The following SCAPER variants were observed in gnomAD, a reference collection of about 807,000 sequenced individuals.
SCAPER encodes the protein S phase cyclin A-associated protein in the endoplasmic reticulum.
In SCAPER, 98 loss-of-function variants were observed where a neutral mutation model predicts 182.2. That is an observed-to-expected ratio of 0.54 (90% CI 0.46 to 0.64). The LOEUF (loss-of-function observed/expected upper bound fraction) is 0.64. Ranked by LOEUF, SCAPER falls within the 30% of genes least tolerant of loss-of-function variation. The pLI is 0.00. For synonymous variants in SCAPER, 605 were observed against 564.6 expected (o/e 1.07, Z -1.01); for missense variants, 1,432 against 1,690.0 (o/e 0.85, Z 2.68).
At chr15:76,518,756 C>G (rs1462766657) in intron 23 of SCAPER, among the ~76,000 whole-genome samples, 1 of 152,216 alleles carries the variant, frequency 6.6e-6, no homozygotes, top group African/African-American at 2.4e-5. Flanking sequence ...AAGGTACCCA[C>G]ATTAATCTAT....
intron 15 of SCAPER, among the ~76,000 whole-genome samples, chr15:76,746,742 A>T (rs867613238): frequency 6.6e-6 from 1 of 152,258 alleles, no homozygotes; most frequent in Non-Finnish European, 1.5e-5. Context: ...AATAATCAAA[A>T]ATGAAATTAA....
chr15:76,545,322 C>G (rs552095644), intron 23 of SCAPER, among the ~76,000 whole-genome samples: 27 of 152,212 alleles, frequency 1.8e-4, no homozygotes, highest in Non-Finnish European at 3.7e-4. Context: ...ATCTCTGGCT[C>G]ATCCTGAACA....
chr15:76,719,488 G>A (rs532628490), intron 17 of SCAPER, among the ~76,000 whole-genome samples: 70 of 152,072 alleles, frequency 4.6e-4, no homozygotes, highest in Non-Finnish European at 9.1e-4. Context: ...CAACAGGAGG[G>A]CTATAGGTAA....
At chr15:76,679,641 T>G (rs2057573373) in intron 20 of SCAPER, among the ~76,000 whole-genome samples, 1 of 152,206 alleles carries the variant, frequency 6.6e-6, no homozygotes, top group Non-Finnish European at 1.5e-5. Flanking sequence ...ATAAAGCTAA[T>G]GAAATACTGT....
At chr15:76,684,349 G>A (rs545369515) in intron 20 of SCAPER, among the ~76,000 whole-genome samples, 1 of 152,266 alleles carries the variant, frequency 6.6e-6, no homozygotes, top group East Asian at 1.9e-4. Context: ...TATGCTCAAT[G>A]TAAAGGGATA....
chr15:76,470,887 C>A (rs76057589), intron 25 of SCAPER, among the ~76,000 whole-genome samples: 1 of 152,120 alleles, frequency 6.6e-6, no homozygotes, highest in African/African-American at 2.4e-5. Context: ...AGTACTAATT[C>A]CTGTGGCTTT....
chr15:76,673,052 A>G (rs148765518), intron 20 of SCAPER, among the ~76,000 whole-genome samples: 8 of 152,310 alleles, frequency 5.3e-5, no homozygotes, highest in Non-Finnish European at 7.4e-5. Flanking sequence ...TGCCAAAAGA[A>G]AATAATGTAT....
At chr15:76,834,422 C>T (rs2068759033) in intron 5 of SCAPER, among the ~76,000 whole-genome samples, 1 of 152,072 alleles carries the variant, frequency 6.6e-6, no homozygotes, top group Non-Finnish European at 1.5e-5. Context: ...AACAACTTAA[C>T]ATCATACCTA....
intron 15 of SCAPER, among the ~76,000 whole-genome samples, chr15:76,737,794 CT>C (rs2061349332): frequency 1.3e-5 from 2 of 152,228 alleles, no homozygotes; most frequent in Non-Finnish European, 2.9e-5. Flanking sequence ...TTACCTTGCA[CT>C]TTTATGTTAT....
chr15:76,502,205 C>T (rs932414089), intron 24 of SCAPER, among the ~76,000 whole-genome samples: 8 of 152,134 alleles, frequency 5.3e-5, no homozygotes, highest in Admixed American at 2.0e-4. Flanking sequence ...TGTGTCTTTA[C>T]AGCAGCATGA....
At chr15:76,899,893 CGAAAA>C (rs2074669460) in intron 1 of SCAPER, among the ~76,000 whole-genome samples, 1 of 151,962 alleles carries the variant, frequency 6.6e-6, no homozygotes, top group Non-Finnish European at 1.5e-5. Flanking sequence ...GCGGTTTTGT[CGAAAA>C]GAAAAGGGGG....
At chr15:76,396,051 T>A (rs1211016301) in intron 27 of SCAPER, among the ~76,000 whole-genome samples, 1 of 152,220 alleles carries the variant, frequency 6.6e-6, no homozygotes. Context: ...TTCTTCTGCA[T>A]ATGGATATCC....
rs2049234764 is a variant in SCAPER, at chr15:76,592,954, G to C, written c.2712-18670C>G. Among the ~76,000 whole-genome samples the C allele has an allele frequency of 1.7e-5, 2 of 115,652 alleles. 1 individual carries two copies. Among genetic ancestry groups the C allele is most frequent in the South Asian group, 5.6e-4 (2 of 3,574 alleles). The allele number at this position is 115,652 out of a possible 152,430, so 75.9% of individuals were successfully genotyped here. ...TTTTTTTATACCCCAGTGGCACCTG[G>C]AACACCACCGAGACAGAACCATTCA... On this transcript the variant is annotated intron_variant, in intron 22 of 31. Coordinates refer to ENST00000563290, the MANE Select transcript of SCAPER (RefSeq NM_020843.4).
chr15:76,511,726 C>A (rs909663813), intron 23 of SCAPER, among the ~76,000 whole-genome samples: 4 of 151,974 alleles, frequency 2.6e-5, no homozygotes, highest in Non-Finnish European at 1.5e-5. Context: ...GAGACCATGT[C>A]TGCTTTATCA....
At chr15:76,605,505 C>T (rs1050517136) in intron 22 of SCAPER, among the ~76,000 whole-genome samples, 2 of 152,138 alleles carry the variant, frequency 1.3e-5, no homozygotes, top group Non-Finnish European at 2.9e-5. Flanking sequence ...GTGTCTCTGC[C>T]AGGCTTTGGT....
At chr15:76,657,177 A>G (rs2055718745) in intron 21 of SCAPER, among the ~76,000 whole-genome samples, 3 of 152,176 alleles carry the variant, frequency 2.0e-5, no homozygotes, top group Non-Finnish European at 4.4e-5. Flanking sequence ...AAAAAGACAT[A>G]AGATCCAAAT....
chr15:76,380,699 G>C (rs1163618630), intron 28 of SCAPER: 1 of 151,890 alleles, frequency 6.6e-6, no homozygotes, highest in African/African-American at 2.4e-5. Flanking sequence ...TGTTCCAAAG[G>C]TTCAGTGTTT....
chr15:76,633,500 T>C (rs1388718149), intron 21 of SCAPER, among the ~76,000 whole-genome samples: 1 of 152,200 alleles, frequency 6.6e-6, no homozygotes, highest in Non-Finnish European at 1.5e-5. Flanking sequence ...CGGGCTGCCC[T>C]GACTCACCAG....
intron 8 of SCAPER, among the ~76,000 whole-genome samples, chr15:76,792,464 C>T (rs1173832913): frequency 6.6e-6 from 1 of 152,136 alleles, no homozygotes; most frequent in East Asian, 1.9e-4. Context: ...CATGCCACTC[C>T]CATTGTTGAG....
Sources: allele counts gnomAD v4.1 joint callset (sites outside exome capture counted in the v4.1 genomes callset), GRCh38; gene constraint gnomAD v4.1.1; transcripts MANE v1.5; gene names NCBI Gene and HGNC (gene_info 2026-07-23, HGNC 2026-07-21).